The following MAGI2 variants were observed in gnomAD, a reference collection of about 807,000 sequenced individuals.
MAGI2 encodes membrane associated guanylate kinase, WW and PDZ domain containing 2.
A neutral mutation model predicts 133.3 loss-of-function variants in MAGI2; 35 were observed. That is an observed-to-expected ratio of 0.26 (90% CI 0.20 to 0.35). The LOEUF is 0.35. MAGI2 is among the 10% of genes least tolerant of loss of function. The probability of loss-of-function intolerance (pLI) is 1.00; values close to 1 mark genes in which losing one functional copy is unlikely to be tolerated. For synonymous variants in MAGI2, 729 were observed against 710.6 expected, an observed-to-expected ratio of 1.03 and a Z score of -0.41; for missense variants, 1,636 against 1,863.4, an observed-to-expected ratio of 0.88 and a Z score of 2.25.
Position 78,519,401 on chromosome 7 carries a change from G to C in MAGI2, c.754+2029C>G, listed in dbSNP as rs556559893. On this transcript the variant is annotated intron_variant, in intron 4 of 21. Coordinates refer to ENST00000354212, the MANE Select transcript of MAGI2 (RefSeq NM_012301.4). ...CATCTCCCCATAACAGGAAAGAAAA[G>C]CACAGTATAAGGGCCACTTGTCCAG... Among the ~76,000 whole-genome samples, 9 of 152,224 alleles carry C rather than the reference G, an allele frequency of 5.9e-5. No individual in the cohort carries two copies. In the East Asian group the frequency reaches 1.7e-3, roughly 29 times the overall value.
At chr7:79,452,586 C>G (rs916979101) in intron 1 of MAGI2, among the ~76,000 whole-genome samples, 5 of 152,100 alleles carry the variant, frequency 3.3e-5, no homozygotes, top group Admixed American at 3.3e-4. Context: ...CCTTCTCTTC[C>G]CAGACCCGCT....
chr7:78,190,358 G>A (rs966874116), intron 12 of MAGI2, among the ~76,000 whole-genome samples: 7 of 152,138 alleles, frequency 4.6e-5, no homozygotes, highest in Admixed American at 1.3e-4. Context: ...ATTTATCTGA[G>A]TAGGTATTAC....
intron 2 of MAGI2, among the ~76,000 whole-genome samples, chr7:78,954,825 A>T (rs148578768): frequency 7.9e-4 from 120 of 152,202 alleles, no homozygotes; most frequent in African/African-American, 2.6e-3. Flanking sequence ...GCATAAAATG[A>T]TTTTATTCTT....
chr7:79,301,012 T>C (rs1445611045), intron 1 of MAGI2, among the ~76,000 whole-genome samples: 2 of 152,362 alleles, frequency 1.3e-5, no homozygotes, highest in African/African-American at 2.4e-5. Flanking sequence ...AGTGCAAGAC[T>C]TGAGGCTTGG....
chr7:78,828,903 G>A (rs1790895247), intron 2 of MAGI2, among the ~76,000 whole-genome samples: 1 of 152,012 alleles, frequency 6.6e-6, no homozygotes, highest in Non-Finnish European at 1.5e-5. Flanking sequence ...TTTAAAATAA[G>A]AATTGATCTG....
At chr7:79,142,805 T>C (rs1031555721) in intron 1 of MAGI2, among the ~76,000 whole-genome samples, 1 of 152,136 alleles carries the variant, frequency 6.6e-6, no homozygotes, top group Non-Finnish European at 1.5e-5. Flanking sequence ...ACCCTTTTAG[T>C]GTTTTGATTA....
intron 2 of MAGI2, among the ~76,000 whole-genome samples, chr7:78,874,528 C>T (rs1164876738): frequency 1.3e-5 from 2 of 152,010 alleles, no homozygotes; most frequent in Admixed American, 1.3e-4. Context: ...AAGTGAAAGC[C>T]AGGAACAGAA....
At chr7:78,594,861 C>A (rs1238638577) in intron 3 of MAGI2, among the ~76,000 whole-genome samples, 3 of 152,104 alleles carry the variant, frequency 2.0e-5, no homozygotes, top group Non-Finnish European at 4.4e-5. Context: ...AGGGTAATCA[C>A]CCCAGTACTT....
chr7:78,763,439 A>G (rs1824712269), intron 2 of MAGI2, among the ~76,000 whole-genome samples: 1 of 152,114 alleles, frequency 6.6e-6, no homozygotes, highest in Admixed American at 6.5e-5. Context: ...GAAATATTTT[A>G]TTTTCTGAAG....
At chr7:79,104,246 G>A (rs17151958) in intron 1 of MAGI2, among the ~76,000 whole-genome samples, 4,351 of 152,254 alleles carry the variant, frequency 0.029, 207 homozygotes, top group African/African-American at 0.099. Context: ...CACTGTTCTA[G>A]AATTATGTGC....
chr7:78,255,989 C>G lies in MAGI2; in HGVS notation c.2001G>C (p.Lys667Asn). ...AAGTTTCACTTCCAATGGGACAGTC[C>G]TTAAGTATATCCACTACTTCTGTAT... Reference protein sequence around the residue: ...LSHTEVVDILKDCPIGSETSL... With the variant: ...LSHTEVVDILNDCPIGSETSL... Residue 667 changes from lysine to asparagine, a missense_variant, in exon 10 of 22, where the codon AAG becomes AAC. Lys to Asn is a moderately conservative substitution (Grantham distance 94, BLOSUM62 0). This residue lies in a region of MAGI2 where 920 missense variants were observed against 1,093.5 expected (regional missense o/e 0.84). Transcript: ENST00000354212. 6.2e-7 allele frequency: 1 copy of G among 1,613,852 alleles called. No individual in the cohort carries two copies. The highest frequency in any genetic ancestry group is 1.1e-5 in the South Asian group (1 of 91,044).
At chr7:78,918,517 G>T (rs1208362387) in intron 2 of MAGI2, among the ~76,000 whole-genome samples, 3 of 152,096 alleles carry the variant, frequency 2.0e-5, no homozygotes, top group South Asian at 4.1e-4. Context: ...CATAGTAGGT[G>T]CTCAATAAAC....
chr7:78,181,875 T>C (rs987789584), intron 13 of MAGI2, among the ~76,000 whole-genome samples: 2 of 152,376 alleles, frequency 1.3e-5, no homozygotes, highest in East Asian at 3.9e-4. Flanking sequence ...ACATGCTGTA[T>C]GTTTCCTTAG....
At chr7:78,783,508 T>G (rs767787905) in intron 2 of MAGI2, among the ~76,000 whole-genome samples, 1 of 152,212 alleles carries the variant, frequency 6.6e-6, no homozygotes, top group Non-Finnish European at 1.5e-5. Context: ...GCCTATTCAT[T>G]TACTATGCTA....
chr7:78,431,602 G>T (rs905438986), intron 6 of MAGI2, among the ~76,000 whole-genome samples: 1 of 152,088 alleles, frequency 6.6e-6, no homozygotes, highest in African/African-American at 2.4e-5. Context: ...GGAAGAAAAA[G>T]AAAATGCAGA....
intron 21 of MAGI2, among the ~76,000 whole-genome samples, chr7:78,076,648 C>G: frequency 6.7e-6 from 1 of 149,840 alleles, no homozygotes. Flanking sequence ...AGATCGAGAC[C>G]ATCCTGGCTA....
chr7:78,321,870 A>G (rs74940735), intron 9 of MAGI2, among the ~76,000 whole-genome samples: 3 of 152,224 alleles, frequency 2.0e-5, no homozygotes, highest in South Asian at 2.1e-4. Flanking sequence ...CAATCTATCT[A>G]TCTGACAAAG....
chr7:78,235,686 T>C (rs1790455979), intron 10 of MAGI2, among the ~76,000 whole-genome samples: 1 of 152,140 alleles, frequency 6.6e-6, no homozygotes, highest in South Asian at 2.1e-4. Context: ...TAAACCTCTT[T>C]CCTTTATAAA....
At chr7:78,942,240 T>C (rs1006499262) in intron 2 of MAGI2, among the ~76,000 whole-genome samples, 1 of 152,096 alleles carries the variant, frequency 6.6e-6, no homozygotes, top group Non-Finnish European at 1.5e-5. Context: ...TTATTCTTTT[T>C]ATTGGTTATG....
Sources: gnomAD v4.1 joint callset for allele counts (sites outside exome capture counted in the v4.1 genomes callset) on GRCh38, gnomAD v4.1.1 for gene constraint, gnomAD v4.1.1 regional missense constraint, MANE v1.5 for transcripts, NCBI Gene and HGNC (gene_info 2026-07-23, HGNC 2026-07-21) for gene names.